LCORL: variants seen among roughly 807,000 people sequenced by gnomAD.
LCORL encodes the protein ligand-dependent nuclear receptor corepressor-like protein.
In LCORL, 41 loss-of-function variants were observed where a neutral mutation model predicts 141.8. The observed-to-expected ratio is 0.29, with a 90% CI of 0.23 to 0.38. The LOEUF (loss-of-function observed/expected upper bound fraction) is 0.38. LCORL is among the 10% of genes least tolerant of loss of function. The pLI, the probability that LCORL is intolerant of heterozygous loss-of-function variation, is 1.00. For missense variants in LCORL, 1,759 were observed against 2,035.0 expected (o/e 0.86, Z 2.61); for synonymous variants, 618 against 694.1 (o/e 0.89, Z 1.72).
At chr4:17,926,013 T>C (rs1243539021) in intron 4 of LCORL, among the ~76,000 whole-genome samples, 4 of 152,180 alleles carry the variant, frequency 2.6e-5, no homozygotes, top group African/African-American at 9.7e-5. Context: ...GGCATTGAAG[T>C]GCTGTTAACT....
chr4:18,004,316 G>A (rs2109840524), intron 1 of LCORL, among the ~76,000 whole-genome samples: 1 of 152,302 alleles, frequency 6.6e-6, no homozygotes, highest in East Asian at 1.9e-4. Context: ...CCAAGACTGG[G>A]CAATTTAAAA....
At chr4:17,939,989 T>C (rs1737584433) in intron 4 of LCORL, among the ~76,000 whole-genome samples, 1 of 150,158 alleles carries the variant, frequency 6.7e-6, no homozygotes, top group African/African-American at 2.4e-5. Context: ...ATGTACTATA[T>C]ATGCATATAT....
intron 6 of LCORL, chr4:17,881,472 A>G (rs1727567213): frequency 4.6e-6 from 4 of 865,750 alleles, no homozygotes; most frequent in Non-Finnish European, 5.5e-6. Context: ...CTATCAAAAA[A>G]TATTTTAATT....
intron 1 of LCORL, among the ~76,000 whole-genome samples, chr4:18,002,336 TAG>T (rs1560469052): frequency 6.6e-6 from 1 of 152,090 alleles, no homozygotes; most frequent in Non-Finnish European, 1.5e-5. Context: ...TACTGGGTTT[TAG>T]AGTTACTCAA....
intron 7 of LCORL, among the ~76,000 whole-genome samples, chr4:17,857,974 CCATG>C (rs936452014): frequency 6.6e-6 from 1 of 152,070 alleles, no homozygotes; most frequent in Non-Finnish European, 1.5e-5. Flanking sequence ...CTGAAAATTA[CCATG>C]CATGCATGCA....
chr4:17,953,632 C>T (rs534307274), intron 4 of LCORL, among the ~76,000 whole-genome samples: 38 of 152,258 alleles, frequency 2.5e-4, no homozygotes, highest in Non-Finnish European at 4.4e-4. Context: ...CTGTGAGTTA[C>T]GTTTTTAAAA....
exon 7 of LCORL, chr4:17,877,149 A>G: frequency 1.6e-6 from 2 of 1,230,852 alleles, no homozygotes; most frequent in Non-Finnish European, 2.0e-6. Context: ...GGAGTTGCGC[A>G]TTGCAAATAA....
chr4:17,914,472 C>A (rs894499156), intron 4 of LCORL, among the ~76,000 whole-genome samples: 7 of 152,224 alleles, frequency 4.6e-5, no homozygotes, highest in Admixed American at 3.3e-4. Context: ...TTTTATTCAC[C>A]CACTCACTTT....
At chr4:17,995,636 C>T (rs1720795599) in intron 1 of LCORL, among the ~76,000 whole-genome samples, 1 of 152,124 alleles carries the variant, frequency 6.6e-6, no homozygotes, top group Non-Finnish European at 1.5e-5. Flanking sequence ...AATACATGTA[C>T]AAGATATATG....
chr4:17,851,243 T>C lies in LCORL; in HGVS notation c.5603-5342A>G, dbSNP rs1331268766. On this transcript the variant is annotated intron_variant, in intron 7 of 7. Transcript: ENST00000635767. ...TGTATACATATGTAAGAAACCTGCA[T>C]GTTGTGCACATGTACCCTAAAACTT... 2.6e-5 allele frequency among the ~76,000 whole-genome samples: 4 copies of C among 151,744 alleles called. No individual in the cohort carries two copies. In the South Asian group the frequency reaches 8.3e-4, roughly 32 times the overall value.
intron 1 of LCORL, among the ~76,000 whole-genome samples, chr4:18,018,160 C>T (rs1446831491): frequency 6.6e-6 from 1 of 152,000 alleles, no homozygotes; most frequent in African/African-American, 2.4e-5. Flanking sequence ...TAAAAATATA[C>T]AGGTGTATTT....
At position 17,879,853 on chromosome 4, in the gene LCORL, G is replaced by A. The variant is rs1019042049; in HGVS notation, c.777-1640C>T. On this transcript the variant is annotated intron_variant, in intron 6 of 7. Transcript: ENST00000635767. ...TTGGAAAAATATGTTGTATTTTAACGATTAATAATTGTTTATAACTCTTCC... is the reference window on the plus strand; with the variant it reads ...TTGGAAAAATATGTTGTATTTTAACAATTAATAATTGTTTATAACTCTTCC... Among the ~76,000 whole-genome samples, 4 of 150,928 alleles carry A rather than the reference G, an allele frequency of 2.7e-5. No homozygotes were observed. In the East Asian group the frequency reaches 7.8e-4, roughly 29 times the overall value.
At chr4:17,867,677 C>T (rs916811705) in intron 7 of LCORL, among the ~76,000 whole-genome samples, 3 of 152,172 alleles carry the variant, frequency 2.0e-5, no homozygotes, top group African/African-American at 7.2e-5. Flanking sequence ...TCTAACACAA[C>T]ACCTGATACA....
At chr4:18,011,149 A>G (rs1723698176) in intron 1 of LCORL, among the ~76,000 whole-genome samples, 1 of 152,154 alleles carries the variant, frequency 6.6e-6, no homozygotes, top group Non-Finnish European at 1.5e-5. Flanking sequence ...TCCCCCATCA[A>G]GCTATTCCTC....
At chr4:17,923,876 AAT>A (rs2109386925) in intron 4 of LCORL, among the ~76,000 whole-genome samples, 1 of 152,070 alleles carries the variant, frequency 6.6e-6, no homozygotes, top group East Asian at 2.0e-4. Flanking sequence ...GTCTTTCCCG[AAT>A]TTCTTTGTCA....
At chr4:17,849,463 G>A (rs529337623) in intron 7 of LCORL, among the ~76,000 whole-genome samples, 2 of 152,288 alleles carry the variant, frequency 1.3e-5, no homozygotes, top group African/African-American at 4.8e-5. Flanking sequence ...GCAGCTGAGG[G>A]TCCTGTCTGT....
chr4:17,940,182 A>ATATATGTATATATATGTATACATG (rs1737686798), intron 4 of LCORL, among the ~76,000 whole-genome samples: 1 of 130,636 alleles, frequency 7.7e-6, no homozygotes, highest in African/African-American at 4.1e-5. Context: ...GTATATATAT[A>ATATATGTATATATATGTATACATG]TATATACACA....
chr4:17,841,615 A>AT (rs1722413486), exon 8 of LCORL: 1 of 151,922 alleles, frequency 6.6e-6, no homozygotes, highest in Non-Finnish European at 1.5e-5. Context: ...TTTGTGGTAT[A>AT]TCACACCATG....
At chr4:17,954,181 A>G (rs1012010466) in intron 4 of LCORL, among the ~76,000 whole-genome samples, 1 of 152,118 alleles carries the variant, frequency 6.6e-6, no homozygotes, top group Admixed American at 6.5e-5. Context: ...ACAAACAAAA[A>G]CAAACAAATA....
Sources: allele counts gnomAD v4.1 joint callset (sites outside exome capture counted in the v4.1 genomes callset), GRCh38; gene constraint gnomAD v4.1.1; transcripts MANE v1.5; gene names NCBI Gene and HGNC (gene_info 2026-07-23, HGNC 2026-07-21).